Variants in ANKS1A observed in about 807,000 individuals in gnomAD.
ANKS1A encodes ankyrin repeat and SAM domain-containing protein 1A.
Under a neutral mutation model 120.3 loss-of-function variants are expected in ANKS1A, and 55 were observed. The ratio of observed to expected loss-of-function variants is 0.46; its 90% CI spans 0.37 to 0.57. The LOEUF (loss-of-function observed/expected upper bound fraction) is 0.57. Among genes scored for constraint, ANKS1A ranks in the 20% least tolerant of loss-of-function variants. The probability of loss-of-function intolerance (pLI) is 0.00; values close to 1 mark genes in which losing one functional copy is unlikely to be tolerated. For synonymous variants in ANKS1A, 590 were observed against 604.7 expected, an observed-to-expected ratio of 0.98 and a Z score of 0.36; for missense variants, 1,123 against 1,480.3, an observed-to-expected ratio of 0.76 and a Z score of 3.96.
chr6:35,092,104 C>T (rs916674456), downstream of ANKS1A, among the ~76,000 whole-genome samples: 3 of 152,278 alleles, frequency 2.0e-5, no homozygotes, highest in African/African-American at 7.2e-5. Context: ...CACTCCTTTC[C>T]GGACAGGTGT....
At chr6:34,929,426 A>T (rs1309777242) in intron 1 of ANKS1A, among the ~76,000 whole-genome samples, 2 of 152,184 alleles carry the variant, frequency 1.3e-5, no homozygotes, top group Non-Finnish European at 2.9e-5. Flanking sequence ...ATTCTCGATC[A>T]TATTTGCAGA....
chr6:34,906,872 G>T (rs962806793), intron 1 of ANKS1A, among the ~76,000 whole-genome samples: 1 of 152,152 alleles, frequency 6.6e-6, no homozygotes. Context: ...AGAAACTGGC[G>T]TCCAAATAAT....
At chr6:35,013,556 A>C (rs1773867784) in intron 10 of ANKS1A, among the ~76,000 whole-genome samples, 1 of 152,156 alleles carries the variant, frequency 6.6e-6, no homozygotes, top group African/African-American at 2.4e-5. Flanking sequence ...CAGGCTCCCA[A>C]AGCGTTGGGA....
chr6:34,911,150 GT>G (rs1767889819), intron 1 of ANKS1A, among the ~76,000 whole-genome samples: 1 of 152,094 alleles, frequency 6.6e-6, no homozygotes, highest in Non-Finnish European at 1.5e-5. Flanking sequence ...TTTATCTTTT[GT>G]TTATCATGGT....
intron 1 of ANKS1A, among the ~76,000 whole-genome samples, chr6:34,962,139 T>C (rs1224946050): frequency 6.6e-6 from 1 of 152,192 alleles, no homozygotes; most frequent in Non-Finnish European, 1.5e-5. Flanking sequence ...TCATATACTT[T>C]TTGGTTTGGA....
intron 11 of ANKS1A, among the ~76,000 whole-genome samples, chr6:35,034,820 C>T (rs1004109312): frequency 6.6e-6 from 1 of 152,180 alleles, no homozygotes; most frequent in Non-Finnish European, 1.5e-5. Context: ...AAGCCTGAGC[C>T]GAGTGATGAT....
intron 10 of ANKS1A, among the ~76,000 whole-genome samples, chr6:34,997,411 A>G (rs1266280606): frequency 2.0e-5 from 3 of 151,780 alleles, no homozygotes; most frequent in Non-Finnish European, 4.4e-5. Context: ...GGCCAGGCTG[A>G]TCTCGAACTC....
chr6:35,047,144 C>T (rs931238571), intron 11 of ANKS1A, among the ~76,000 whole-genome samples: 16 of 152,180 alleles, frequency 1.1e-4, no homozygotes, highest in African/African-American at 3.9e-4. Context: ...TGCAGGAAAT[C>T]TCAAGGCAGC....
chr6:35,007,475 G>A (rs1019140033), intron 10 of ANKS1A, among the ~76,000 whole-genome samples: 2 of 152,200 alleles, frequency 1.3e-5, no homozygotes, highest in Admixed American at 1.3e-4. Context: ...CAAGAGCAGT[G>A]ATTCCTGTTT....
chr6:35,018,149 G>A (rs977312594), intron 11 of ANKS1A, 90 bp downstream of exon 11: 1 of 1,338,780 alleles, frequency 7.5e-7, no homozygotes, highest in African/African-American at 1.5e-5. Flanking sequence ...CTCAGGCCCA[G>A]GATCTGGGCA....
chr6:34,928,334 T>G (rs1768816326), intron 1 of ANKS1A, among the ~76,000 whole-genome samples: 1 of 152,106 alleles, frequency 6.6e-6, no homozygotes, highest in African/African-American at 2.4e-5. Context: ...CTGAAAAGAC[T>G]CGGAGCTTCA....
intron 1 of ANKS1A, among the ~76,000 whole-genome samples, chr6:34,923,057 T>G (rs924525890): frequency 2.0e-5 from 3 of 152,098 alleles, no homozygotes; most frequent in Non-Finnish European, 4.4e-5. Flanking sequence ...CAAAAGCCAG[T>G]AGGAGCTGAA....
At chr6:35,041,622 A>G (rs1038743779) in intron 11 of ANKS1A, among the ~76,000 whole-genome samples, 1 of 152,144 alleles carries the variant, frequency 6.6e-6, no homozygotes, top group African/African-American at 2.4e-5. Context: ...TGTTCTTCCT[A>G]GTAATCCCAT....
rs1776324875 is a variant in ANKS1A at position 35,058,522 on chromosome 6, G to A, written c.2078-1625G>A. 1 of 152,346 alleles carries A rather than the reference G, an allele frequency of 6.6e-6. No individual in the cohort carries two copies. The highest frequency in any genetic ancestry group is 1.5e-5 in the Non-Finnish European group (1 of 68,126). 9.4% of individuals were successfully genotyped at this position (152,346 alleles called of 1,614,324 possible). ...GCCGCCGGGTCCCTGACCATCATCT[G>A]TTCTGCAGGAGACAGAGGAGAGGGA... is the stretch of plus-strand genomic sequence containing the variant. On this transcript the variant is annotated intron_variant, in intron 12 of 23. Transcript: ENST00000360359. The surrounding 1 kb of genome is among the most constrained non-coding windows in gnomAD (Gnocchi z 5.1).
chr6:34,970,306 A>T (rs1462646897), intron 3 of ANKS1A, 140 bp downstream of exon 3: 2 of 978,322 alleles, frequency 2.0e-6, no homozygotes, highest in Non-Finnish European at 2.9e-6. Context: ...GTTCCTTAGC[A>T]TGGAACCACC....
intron 1 of ANKS1A, among the ~76,000 whole-genome samples, chr6:34,914,231 G>T (rs1768049126): frequency 6.6e-6 from 1 of 152,146 alleles, no homozygotes. Context: ...AATAGTTTTT[G>T]AATCTAAAAT....
chr6:34,913,485 C>G (rs890490629), intron 1 of ANKS1A, among the ~76,000 whole-genome samples: 1 of 152,142 alleles, frequency 6.6e-6, no homozygotes, highest in Non-Finnish European at 1.5e-5. Flanking sequence ...TGCCACTATG[C>G]CCAGCTAATT....
intron 9 of ANKS1A, among the ~76,000 whole-genome samples, chr6:34,990,128 C>T (rs148408696): frequency 2.6e-4 from 40 of 152,216 alleles, no homozygotes; most frequent in East Asian, 2.1e-3. Context: ...CCTAGAAGTT[C>T]GAGTTATTGA....
chr6:35,000,691 A>G (rs1209599449), intron 10 of ANKS1A, among the ~76,000 whole-genome samples: 1 of 152,194 alleles, frequency 6.6e-6, no homozygotes, highest in Non-Finnish European at 1.5e-5. Context: ...ATGTTGTATA[A>G]TTTAAAAGTA....
Sources: allele counts gnomAD v4.1 joint callset (sites outside exome capture counted in the v4.1 genomes callset), GRCh38; gene constraint gnomAD v4.1.1; non-coding constraint Gnocchi (gnomAD v3.1); transcripts MANE v1.5; gene names NCBI Gene and HGNC (gene_info 2026-07-23, HGNC 2026-07-21).